The following CECR2 variants were observed in gnomAD, a reference collection of about 807,000 sequenced individuals.
CECR2 encodes chromatin remodeling regulator CECR2.
A neutral mutation model predicts 154.5 loss-of-function variants in CECR2; 30 were observed. The observed-to-expected ratio is 0.19, with a 90% CI of 0.15 to 0.26. CECR2 has a LOEUF of 0.26. Among genes scored for constraint, CECR2 ranks in the 10% least tolerant of loss-of-function variants. The pLI, the probability that CECR2 is intolerant of heterozygous loss-of-function variation, is 1.00. For missense variants in CECR2, 1,743 were observed against 1,829.3 expected (o/e 0.95, Z 0.86); for synonymous variants, 725 against 683.7 (o/e 1.06, Z -0.94).
intron 1 of CECR2, among the ~76,000 whole-genome samples, chr22:17,470,134 A>G (rs899208885): frequency 6.6e-6 from 1 of 152,066 alleles, no homozygotes; most frequent in Non-Finnish European, 1.5e-5. Context: ...ACACACTGAA[A>G]TTATATATAA....
chr22:17,395,303 C>T (rs2053791051), intron 1 of CECR2, among the ~76,000 whole-genome samples: 1 of 151,990 alleles, frequency 6.6e-6, no homozygotes, highest in East Asian at 1.9e-4. Context: ...GCTAGAATTA[C>T]AGGTGTGAGC....
At chr22:17,545,577 G>GAAT (rs2056601201) in intron 16 of CECR2, among the ~76,000 whole-genome samples, 1 of 151,920 alleles carries the variant, frequency 6.6e-6, no homozygotes, top group Non-Finnish European at 1.5e-5. Flanking sequence ...GAGCACGGTG[G>GAAT]CTCACATCTG....
At chr22:17,394,381 T>TC (rs2053777388) in intron 1 of CECR2, among the ~76,000 whole-genome samples, 1 of 149,756 alleles carries the variant, frequency 6.7e-6, no homozygotes, top group Non-Finnish European at 1.5e-5. Context: ...TTTTTTTCTA[T>TC]TTTTTTTTGT....
At chr22:17,450,523 C>A (rs1293377426) in intron 1 of CECR2, among the ~76,000 whole-genome samples, 1 of 152,214 alleles carries the variant, frequency 6.6e-6, no homozygotes, top group Non-Finnish European at 1.5e-5. Context: ...CCTGCCTCGG[C>A]CTCCCAAAGT....
At position 17,493,778 on chromosome 22, in the gene CECR2, G is replaced by A. The variant is rs547340389; in HGVS notation, c.222-3625G>A. On this transcript the variant is annotated intron_variant, in intron 2 of 18. Transcript: ENST00000262608. ...AAGGAGCAGCACTGCGGATGCACACGCAGTGTTTGTGGGCTGGTATGCCTG... is the reference window on the plus strand; with the variant it reads ...AAGGAGCAGCACTGCGGATGCACACACAGTGTTTGTGGGCTGGTATGCCTG... Among the ~76,000 whole-genome samples, 9 of 152,334 alleles carry A rather than the reference G, an allele frequency of 5.9e-5. No homozygotes were observed. The South Asian group carries it at 1.0e-3, about 18-fold the overall frequency.
At chr22:17,438,391 G>GTA (rs2054536661) in intron 1 of CECR2, among the ~76,000 whole-genome samples, 4 of 152,142 alleles carry the variant, frequency 2.6e-5, no homozygotes, top group Admixed American at 2.6e-4. Flanking sequence ...GAGACTTGTC[G>GTA]ACTGACAAGT....
Position 17,418,412 on chromosome 22 carries a change from G to T in CECR2, c.126+48503G>T, listed in dbSNP as rs145797743. 5.2e-4 allele frequency among the ~76,000 whole-genome samples: 79 copies of T among 152,252 alleles called. No individual in the cohort carries two copies. In the East Asian group the frequency reaches 0.012, roughly 23 times the overall value. ...GTTCTGTTGAGCTGTGTCTGTCTTTGCCCGGAACTGTAGTAGCCCCACAGG... is the reference window on the plus strand; with the variant it reads ...GTTCTGTTGAGCTGTGTCTGTCTTTTCCCGGAACTGTAGTAGCCCCACAGG... On this transcript the variant is annotated intron_variant, in intron 1 of 18. Coordinates refer to ENST00000262608, the MANE Select transcript of CECR2 (RefSeq NM_001290047.2).
chr22:17,506,727 C>T (rs983090609), intron 7 of CECR2, among the ~76,000 whole-genome samples: 3 of 152,102 alleles, frequency 2.0e-5, no homozygotes, highest in Admixed American at 1.3e-4. Flanking sequence ...AATCTTGGCC[C>T]CCCGCAGCCT....
At position 17,556,533 on chromosome 22, in the gene CECR2, C is replaced by G. The variant is rs1045811695; in HGVS notation, c.*3693C>G. The G allele has an allele frequency of 6.6e-6, 1 of 152,128 alleles. No individual in the cohort carries two copies. Among genetic ancestry groups the G allele is most frequent in the African/African-American group, 2.4e-5 (1 of 41,422 alleles). 9.4% of individuals were successfully genotyped at this position (152,128 alleles called of 1,614,324 possible). On this transcript the variant is annotated 3_prime_UTR_variant, in exon 19 of 19. Transcript: ENST00000262608. ...TTGCAGTCACCACAGCTGTCAGAAACAAGTTTGCAATCCATACTTCTTGGT... is the reference window on the plus strand; with the variant it reads ...TTGCAGTCACCACAGCTGTCAGAAAGAAGTTTGCAATCCATACTTCTTGGT...
In CECR2 at chr22:17,542,370, G is replaced by T. The variant is rs762217568; in HGVS notation, c.2227G>T (p.Ala743Ser). 5 of 1,613,842 alleles carry T rather than the reference G, an allele frequency of 3.1e-6. No homozygotes were observed. The Admixed American group carries it at 8.3e-5, about 27-fold the overall frequency. Reference sequence around the variant, plus strand: ...TCCTCCCCGGCATGGGGGGGCTCCAGCCCGGCCACCAGACTTTCCTGAAAG... The same window carrying T: ...TCCTCCCCGGCATGGGGGGGCTCCATCCCGGCCACCAGACTTTCCTGAAAG... ...FIPPRHGGAP[A>S]RPPDFPESSE... The change falls in exon 16 of 19, where the codon GCC becomes TCC. Residue 743 changes from alanine (A) to serine (S), a missense_variant. This residue lies in a region of CECR2 where 1,250 missense variants were observed against 1,192.1 expected (regional missense o/e 1.05). Transcript: ENST00000262608.
At chr22:17,449,665 A>T (rs1000180723) in intron 1 of CECR2, among the ~76,000 whole-genome samples, 3 of 150,510 alleles carry the variant, frequency 2.0e-5, no homozygotes, top group African/African-American at 4.9e-5. Context: ...AATTTTTTGT[A>T]TTTTTAGTGG....
At chr22:17,435,878 C>A (rs992468188) in intron 1 of CECR2, among the ~76,000 whole-genome samples, 1 of 152,100 alleles carries the variant, frequency 6.6e-6, no homozygotes, top group Non-Finnish European at 1.5e-5. Context: ...ATCAGTCATC[C>A]TCCAAGGGTG....
chr22:17,428,826 G>GTGTGTGTGTGTGTA (rs369291932), intron 1 of CECR2, among the ~76,000 whole-genome samples: 58 of 150,710 alleles, frequency 3.8e-4, no homozygotes, highest in Non-Finnish European at 5.6e-4. Context: ...GTGTGTGTGT[G>GTGTGTGTGTGTGTA]TATATAAAGG....
At position 17,549,425 on chromosome 22, in the gene CECR2, C is replaced by T; in HGVS notation, c.4138C>T (p.Pro1380Ser). The T allele has an allele frequency of 6.2e-7, 1 of 1,613,394 alleles. No individual in the cohort carries two copies. The highest frequency in any genetic ancestry group is 8.5e-7 in the Non-Finnish European group (1 of 1,179,604). ...ACCTCACCACCCAGGGGCCACCCAG[C>T]CCAACGGCCTCTCTCAGGAGGGTCC... Reference protein sequence around the residue: ...LPPHHPGATQPNGLSQEGPIY... With the variant: ...LPPHHPGATQSNGLSQEGPIY... The change falls in exon 17 of 19, where the codon CCC becomes TCC. Residue 1380 changes from proline (P) to serine (S), a missense_variant. By Grantham distance (74) the Pro-to-Ser change is moderately conservative. This residue lies in a region of CECR2 where 1,250 missense variants were observed against 1,192.1 expected (regional missense o/e 1.05). Coordinates refer to ENST00000262608, the MANE Select transcript of CECR2 (RefSeq NM_001290047.2).
chr22:17,368,181 G>C (rs1390240417), upstream of CECR2, among the ~76,000 whole-genome samples: 2 of 152,146 alleles, frequency 1.3e-5, no homozygotes, highest in South Asian at 2.1e-4. Context: ...AATAAAGTGA[G>C]GGAGAGTGGA....
At position 17,503,937 on chromosome 22, in the gene CECR2, C is replaced by T. The variant is rs929259519; in HGVS notation, c.700+806C>T. Among the ~76,000 whole-genome samples, 2 of 151,922 alleles carry T rather than the reference C, an allele frequency of 1.3e-5. 1 individual carries two copies. Among genetic ancestry groups the T allele is most frequent in the South Asian group, 4.2e-4 (2 of 4,816 alleles). On this transcript the variant is annotated intron_variant, in intron 6 of 18. Transcript: ENST00000262608. ...TGGCAGGCACCTGTAATCCCAACTA[C>T]TCGGGAGGCTGAGGCAGGAGAATCA... is the stretch of plus-strand genomic sequence containing the variant.
chr22:17,420,743 A>T (rs2054233578), intron 1 of CECR2, among the ~76,000 whole-genome samples: 1 of 152,202 alleles, frequency 6.6e-6, no homozygotes, highest in Non-Finnish European at 1.5e-5. Flanking sequence ...ATTTTGATGT[A>T]GGGATTTTCT....
rs571088164 is a variant in CECR2 at position 17,439,015 on chromosome 22, A to T, written c.127-38573A>T. Among the ~76,000 whole-genome samples, 5 of 151,946 alleles carry T rather than the reference A, an allele frequency of 3.3e-5. No homozygotes were observed. In the East Asian group the frequency reaches 7.7e-4, roughly 24 times the overall value. On this transcript the variant is annotated intron_variant, in intron 1 of 18. Transcript: ENST00000262608. ...ACAGAGTGAGACCTCATCTCTACAC[A>T]TTTTTTTTAAAGTATGTATATATAA...
chr22:17,452,984 C>A (rs1483467776), intron 1 of CECR2, among the ~76,000 whole-genome samples: 1 of 152,060 alleles, frequency 6.6e-6, no homozygotes, highest in African/African-American at 2.4e-5. Flanking sequence ...TGACAAGACC[C>A]TATTTATGAA....
Sources: gnomAD v4.1 joint callset for allele counts (sites outside exome capture counted in the v4.1 genomes callset) on GRCh38, gnomAD v4.1.1 for gene constraint, gnomAD v4.1.1 regional missense constraint, MANE v1.5 for transcripts, NCBI Gene and HGNC (gene_info 2026-07-23, HGNC 2026-07-21) for gene names.